The following ANK3 variants were observed in gnomAD, a reference collection of about 807,000 sequenced individuals.
ANK3 encodes ankyrin 3, also known as ankyrin-3.
ANK3 carries 57 observed loss-of-function variants against 370.9 expected under a neutral mutation model. That is an observed-to-expected ratio of 0.15 (90% CI 0.12 to 0.19). The LOEUF is 0.19. Among genes scored for constraint, ANK3 ranks in the 10% least tolerant of loss-of-function variants. The pLI is 1.00. For synonymous variants in ANK3, 1,929 were observed against 1,946.3 expected (o/e 0.99, Z 0.23); for missense variants, 4,439 against 5,302.1 (o/e 0.84, Z 5.06).
chr10:60,263,608 G>T (rs1480550792), intron 6 of ANK3, among the ~76,000 whole-genome samples: 1 of 152,138 alleles, frequency 6.6e-6, no homozygotes, highest in Non-Finnish European at 1.5e-5. Context: ...TTTCTTCTGA[G>T]GTGGCCTCCC....
intron 2 of ANK3, among the ~76,000 whole-genome samples, chr10:60,559,364 T>C (rs2077283271): frequency 6.6e-6 from 1 of 152,160 alleles, no homozygotes; most frequent in Non-Finnish European, 1.5e-5. Context: ...ACATAAAATG[T>C]TTGGTTTTCC....
chr10:60,571,861 G>C (rs923431948), intron 2 of ANK3, among the ~76,000 whole-genome samples: 2 of 152,068 alleles, frequency 1.3e-5, no homozygotes. Context: ...ATATATTGAT[G>C]ATTCCTCAAT....
chr10:60,131,838 T>C (rs1037211469), intron 25 of ANK3, among the ~76,000 whole-genome samples: 1 of 152,130 alleles, frequency 6.6e-6, no homozygotes, highest in African/African-American at 2.4e-5. Context: ...GTGGTGGTGG[T>C]TCCAATTTCG....
chr10:60,507,242 T>C (rs551553942), intron 2 of ANK3, among the ~76,000 whole-genome samples: 1 of 152,218 alleles, frequency 6.6e-6, no homozygotes, highest in South Asian at 2.1e-4. Context: ...GGGTATATAT[T>C]TGTTTACTTT....
intron 2 of ANK3, among the ~76,000 whole-genome samples, chr10:60,419,912 T>A (rs544237714): frequency 2.0e-5 from 3 of 152,266 alleles, no homozygotes; most frequent in African/African-American, 7.2e-5. Context: ...TATCTTAGAG[T>A]ATTTCTGCTA....
At position 60,139,044 on chromosome 10, in the gene ANK3, T is replaced by G; in HGVS notation, c.2658A>C (p.Pro886=). The part of the protein sequence containing the change: ...MTGDTDKYLG[P]QDLKELGDDS... ...CATCACCCAATTCCTTAAGGTCCTG[T>G]GGCCCAAGATATTTGTCTGTGTCCC... The change falls in exon 24 of 44, where the codon CCA becomes CCC. Residue 886 remains proline, a synonymous_variant. Transcript: ENST00000280772. The G allele has an allele frequency of 1.2e-6, 2 of 1,613,844 alleles. No individual in the cohort carries two copies. Among genetic ancestry groups the G allele is most frequent in the Non-Finnish European group, 1.7e-6 (2 of 1,179,814 alleles).
intron 1 of ANK3, among the ~76,000 whole-genome samples, chr10:60,344,022 T>C (rs1262286913): frequency 3.3e-5 from 5 of 152,208 alleles, no homozygotes; most frequent in Non-Finnish European, 7.3e-5. Context: ...TACTCCTTTT[T>C]GAACATGTGA....
chr10:60,509,847 A>AG (rs1174701128), intron 2 of ANK3, among the ~76,000 whole-genome samples: 2 of 152,142 alleles, frequency 1.3e-5, no homozygotes, highest in East Asian at 3.8e-4. Flanking sequence ...AGTTTCTTTA[A>AG]GGATTGTTCA....
At chr10:60,300,509 T>C in intron 1 of ANK3, 1 of 1,238,628 alleles carries the variant, frequency 8.1e-7, no homozygotes, top group East Asian at 5.7e-5. Flanking sequence ...CTAGAGTATT[T>C]AAATGGAGGG....
chr10:60,387,588 T>A (rs1430971831), intron 1 of ANK3, among the ~76,000 whole-genome samples: 1 of 152,224 alleles, frequency 6.6e-6, no homozygotes, highest in African/African-American at 2.4e-5. Context: ...AGTTTTAGGA[T>A]CTACTCTGTG....
At chr10:60,610,598 G>A (rs978427863) in intron 2 of ANK3, among the ~76,000 whole-genome samples, 3 of 151,868 alleles carry the variant, frequency 2.0e-5, no homozygotes, top group Non-Finnish European at 2.9e-5. Flanking sequence ...CCAAAATCTT[G>A]AGTCTAATAA....
At chr10:60,225,265 A>AT (rs1206652561) in intron 8 of ANK3, among the ~76,000 whole-genome samples, 5 of 151,974 alleles carry the variant, frequency 3.3e-5, no homozygotes, top group Admixed American at 6.6e-5. Context: ...CTGTGTCCTC[A>AT]TTTTTTTTGT....
chr10:60,027,053 A>AAAC lies in ANK3; in HGVS notation c.*2790_*2792dup, dbSNP rs1229787930. ...TGTCATATTTTGGATACTTCTGAGTAAACTTATGACCTCCTGCTTGATCGG... is the reference window on the plus strand; with the variant it reads ...TGTCATATTTTGGATACTTCTGAGTAAACAACTTATGACCTCCTGCTTGATCGG... On this transcript the variant is annotated 3_prime_UTR_variant, in exon 44 of 44. Transcript: ENST00000280772. 1 of 152,176 alleles carries AAAC rather than the reference A, an allele frequency of 6.6e-6. No homozygotes were observed. The highest frequency in any genetic ancestry group is 1.5e-5 in the Non-Finnish European group (1 of 68,022). The allele number at this position is 152,176 out of a possible 1,614,324, so 9.4% of individuals were successfully genotyped here.
intron 1 of ANK3, among the ~76,000 whole-genome samples, chr10:60,322,530 C>T (rs2048892304): frequency 6.6e-6 from 1 of 151,642 alleles, no homozygotes; most frequent in Non-Finnish European, 1.5e-5. Flanking sequence ...GAAAAAAGCA[C>T]ATTCATCCTC....
intron 2 of ANK3, among the ~76,000 whole-genome samples, chr10:60,614,300 A>C (rs2078239673): frequency 6.6e-6 from 1 of 152,214 alleles, no homozygotes; most frequent in African/African-American, 2.4e-5. Context: ...ATCTTAGGAA[A>C]AAATAATAAT....
chr10:60,723,485 C>T (rs140168148), intron 1 of ANK3, among the ~76,000 whole-genome samples: 1 of 152,286 alleles, frequency 6.6e-6, no homozygotes, highest in African/African-American at 2.4e-5. Context: ...GAAACTCTCA[C>T]CTGTATGCCA....
Position 60,270,243 on chromosome 10 carries a change from A to G in ANK3, c.415-14T>C. The stretch of plus-strand genomic sequence containing the variant: ...CGTGAAACCATTCTGCAAAATAAGA[A>G]AAAAAATGTTTGTCTGCAGCTTTCC... On this transcript the variant is annotated splice_polypyrimidine_tract_variant and intron_variant, in intron 4 of 43. Transcript: ENST00000280772. The G allele has an allele frequency of 6.4e-7, 1 of 1,558,034 alleles. No individual in the cohort carries two copies. The highest frequency in any genetic ancestry group is 8.7e-7 in the Non-Finnish European group (1 of 1,148,220).
intron 2 of ANK3, among the ~76,000 whole-genome samples, chr10:60,431,199 G>A (rs2064013794): frequency 6.6e-6 from 1 of 152,198 alleles, no homozygotes; most frequent in Non-Finnish European, 1.5e-5. Flanking sequence ...GGTCCCATCT[G>A]GGGGTGATGG....
chr10:60,651,297 C>T (rs2078786274), intron 1 of ANK3, among the ~76,000 whole-genome samples: 1 of 152,162 alleles, frequency 6.6e-6, no homozygotes, highest in Admixed American at 6.5e-5. Context: ...TCAAGGATAA[C>T]ACATCAAGAT....
Sources: gnomAD v4.1 joint callset for allele counts (sites outside exome capture counted in the v4.1 genomes callset) on GRCh38, gnomAD v4.1.1 for gene constraint, MANE v1.5 for transcripts, NCBI Gene and HGNC (gene_info 2026-07-23, HGNC 2026-07-21) for gene names.